The following KAZN variants were observed in gnomAD, a reference collection of about 807,000 sequenced individuals.
KAZN encodes the protein kazrin.
Under a neutral mutation model 87.4 loss-of-function variants are expected in KAZN, and 40 were observed. The ratio of observed to expected loss-of-function variants is 0.46; its 90% CI spans 0.36 to 0.60. The LOEUF (loss-of-function observed/expected upper bound fraction) is 0.60. Among genes scored for constraint, KAZN ranks in the 20% least tolerant of loss-of-function variants. The pLI, the probability that KAZN is intolerant of heterozygous loss-of-function variation, is 0.00. For missense variants in KAZN, 898 were observed against 1,073.9 expected (o/e 0.84, Z 2.29); for synonymous variants, 466 against 458.3 (o/e 1.02, Z -0.22).
chr1:14,485,707 A>G (rs987876649), intron 2 of KAZN, among the ~76,000 whole-genome samples: 1 of 152,076 alleles, frequency 6.6e-6, no homozygotes, highest in African/African-American at 2.4e-5. Flanking sequence ...AGCCTGACCA[A>G]CATGGTGAAA....
At chr1:14,776,036 G>A (rs1645166478) in intron 1 of KAZN, among the ~76,000 whole-genome samples, 1 of 152,166 alleles carries the variant, frequency 6.6e-6, no homozygotes, top group Non-Finnish European at 1.5e-5. Flanking sequence ...CTGAGACAGA[G>A]TCTTGCTCTG....
chr1:15,101,112 T>C (rs770597604), intron 10 of KAZN, among the ~76,000 whole-genome samples: 12 of 149,840 alleles, frequency 8.0e-5, no homozygotes, highest in Non-Finnish European at 1.6e-4. Context: ...CTCTTCCTGT[T>C]CCCTTCCGTT....
At chr1:15,025,229 G>A (rs375946718) in intron 2 of KAZN, among the ~76,000 whole-genome samples, 77 of 152,132 alleles carry the variant, frequency 5.1e-4, no homozygotes, top group African/African-American at 1.7e-3. Flanking sequence ...CTTACCTTTG[G>A]CCCAGGTGAG....
intron 2 of KAZN, among the ~76,000 whole-genome samples, chr1:14,995,603 G>A (rs1001947951): frequency 4.6e-5 from 7 of 150,976 alleles, no homozygotes; most frequent in Non-Finnish European, 8.8e-5. Context: ...CAGCCTGGGC[G>A]ACAGAGTGAG....
chr1:14,457,641 CAA>C (rs534409721), intron 2 of KAZN, among the ~76,000 whole-genome samples: 134 of 152,120 alleles, frequency 8.8e-4, no homozygotes, highest in African/African-American at 3.1e-3. Context: ...GGAAAAAAAT[CAA>C]ACTGAAATTT....
chr1:14,986,438 A>G (rs1014611174), intron 2 of KAZN, among the ~76,000 whole-genome samples: 6 of 152,154 alleles, frequency 3.9e-5, no homozygotes, highest in Admixed American at 6.5e-5. Flanking sequence ...GTGTACAGTG[A>G]TATTACTTCT....
intron 1 of KAZN, among the ~76,000 whole-genome samples, chr1:13,910,645 T>A (rs547646151): frequency 6.6e-6 from 1 of 152,242 alleles, no homozygotes; most frequent in African/African-American, 2.4e-5. Flanking sequence ...GCTAGCATCA[T>A]GCTTCCTGTA....
intron 2 of KAZN, among the ~76,000 whole-genome samples, chr1:14,213,848 C>A (rs556431267): frequency 2.0e-5 from 3 of 152,236 alleles, no homozygotes. Flanking sequence ...CAGATTAGCA[C>A]AGTAGCAGTA....
intron 10 of KAZN, among the ~76,000 whole-genome samples, chr1:15,097,723 C>A (rs1295734011): frequency 6.6e-6 from 1 of 152,128 alleles, no homozygotes; most frequent in Admixed American, 6.5e-5. Context: ...GAGGCTGAGG[C>A]AGGAGAATTT....
At chr1:14,316,317 T>C (rs895245401) in intron 2 of KAZN, among the ~76,000 whole-genome samples, 1 of 152,046 alleles carries the variant, frequency 6.6e-6, no homozygotes, top group African/African-American at 2.4e-5. Flanking sequence ...GGAATTTGTG[T>C]ATTTCAATTA....
intron 2 of KAZN, among the ~76,000 whole-genome samples, chr1:14,410,151 T>C (rs2101186701): frequency 6.6e-6 from 1 of 152,380 alleles, no homozygotes; most frequent in East Asian, 1.9e-4. Flanking sequence ...TCACCAGAGC[T>C]GGAGTGCAGC....
chr1:14,611,448 C>T (rs1677809666), intron 1 of KAZN, among the ~76,000 whole-genome samples: 1 of 152,138 alleles, frequency 6.6e-6, no homozygotes, highest in South Asian at 2.1e-4. Context: ...ATTATGCACC[C>T]TCCCGAGGTG....
At chr1:14,977,425 G>A (rs367793543) in intron 2 of KAZN, among the ~76,000 whole-genome samples, 3 of 152,166 alleles carry the variant, frequency 2.0e-5, no homozygotes, top group South Asian at 2.1e-4. Context: ...GAAGGTCAAC[G>A]TGCCCCGACC....
chr1:14,529,643 G>A (rs929580297), intron 2 of KAZN, among the ~76,000 whole-genome samples: 3 of 152,144 alleles, frequency 2.0e-5, no homozygotes, highest in Non-Finnish European at 4.4e-5. Context: ...GAAGAGAAAG[G>A]CTGCCCCAAT....
chr1:14,347,193 C>T (rs192004150), intron 2 of KAZN, among the ~76,000 whole-genome samples: 5 of 152,276 alleles, frequency 3.3e-5, no homozygotes, highest in East Asian at 1.9e-4. Flanking sequence ...CAAGGATGGA[C>T]GTGTATGTGT....
chr1:13,933,026 G>A lies in KAZN; in HGVS notation c.91+39270G>A, dbSNP rs111674860. Reference sequence around the variant, plus strand: ...CATCCTATTCCCTATTTCCCCGAATGTTAATATCTAACATTCCAATGGTAT... The same window carrying A: ...CATCCTATTCCCTATTTCCCCGAATATTAATATCTAACATTCCAATGGTAT... On this transcript the variant is annotated intron_variant, in intron 1 of 16. Transcript: ENST00000636203. Among the ~76,000 whole-genome samples the A allele has an allele frequency of 3.2e-4, 48 of 152,268 alleles. 1 individual carries two copies. Among genetic ancestry groups the A allele is most frequent in the African/African-American group, 8.7e-4 (36 of 41,542 alleles).
At chr1:14,729,399 G>C (rs764565653) in intron 1 of KAZN, among the ~76,000 whole-genome samples, 1 of 152,190 alleles carries the variant, frequency 6.6e-6, no homozygotes, top group African/African-American at 2.4e-5. Flanking sequence ...CAGAATAGCC[G>C]GGCTTTCTTC....
chr1:14,997,645 G>A (rs757692361), intron 2 of KAZN, among the ~76,000 whole-genome samples: 7 of 152,304 alleles, frequency 4.6e-5, no homozygotes, highest in East Asian at 1.9e-4. Context: ...CCAGAACAAC[G>A]TGGATTCTCA....
intron 1 of KAZN, among the ~76,000 whole-genome samples, chr1:14,846,381 A>T (rs1648762564): frequency 6.6e-6 from 1 of 152,164 alleles, no homozygotes; most frequent in Admixed American, 6.5e-5. Context: ...AGGCCACAAG[A>T]GAGAACAAAA....
Sources: allele counts gnomAD v4.1 joint callset (sites outside exome capture counted in the v4.1 genomes callset), GRCh38; gene constraint gnomAD v4.1.1; transcripts MANE v1.5; gene names NCBI Gene and HGNC (gene_info 2026-07-23, HGNC 2026-07-21).